The following MACROD2 variants were observed in gnomAD, a reference collection of about 807,000 sequenced individuals.
The protein encoded by MACROD2 is ADP-ribose glycohydrolase MACROD2.
A neutral mutation model predicts 70.4 loss-of-function variants in MACROD2; 36 were observed. The observed-to-expected ratio is 0.51, with a 90% CI of 0.39 to 0.68. The LOEUF is 0.68. Among genes scored for constraint, MACROD2 ranks in the 30% least tolerant of loss-of-function variants. MACROD2 has a pLI of 0.00. For missense variants in MACROD2, 496 were observed against 538.4 expected, an observed-to-expected ratio of 0.92 and a Z score of 0.78; for synonymous variants, 172 against 178.8, an observed-to-expected ratio of 0.96 and a Z score of 0.30.
At chr20:15,125,605 G>A (rs1161357456) in intron 5 of MACROD2, among the ~76,000 whole-genome samples, 1 of 151,958 alleles carries the variant, frequency 6.6e-6, no homozygotes, top group East Asian at 1.9e-4. Flanking sequence ...TACCTTGAAT[G>A]GATCATTTTT....
intron 5 of MACROD2, among the ~76,000 whole-genome samples, chr20:15,083,680 C>T (rs1461194244): frequency 1.3e-5 from 2 of 151,878 alleles, no homozygotes; most frequent in African/African-American, 4.8e-5. Flanking sequence ...AAGCATGTAG[C>T]ACAATGAAAC....
chr20:14,483,862 C>T (rs1403343053), intron 3 of MACROD2, among the ~76,000 whole-genome samples: 1 of 152,142 alleles, frequency 6.6e-6, no homozygotes, highest in Non-Finnish European at 1.5e-5. Flanking sequence ...TTGTGTCTAA[C>T]AAACATGAAA....
At chr20:15,736,960 A>G (rs1218756698) in intron 8 of MACROD2, among the ~76,000 whole-genome samples, 1 of 152,238 alleles carries the variant, frequency 6.6e-6, no homozygotes, top group African/African-American at 2.4e-5. Flanking sequence ...TTTACAATGC[A>G]GAGTGAATAA....
intron 3 of MACROD2, among the ~76,000 whole-genome samples, chr20:14,378,101 A>G (rs2083389313): frequency 6.6e-6 from 1 of 152,220 alleles, no homozygotes; most frequent in Non-Finnish European, 1.5e-5. Context: ...ATTGAAAGAC[A>G]AATTGCTAGA....
At chr20:14,032,123 C>A (rs1265899946) in intron 2 of MACROD2, among the ~76,000 whole-genome samples, 1 of 151,744 alleles carries the variant, frequency 6.6e-6, no homozygotes, top group Non-Finnish European at 1.5e-5. Flanking sequence ...GTTTTTTTCT[C>A]ACTTAAAACT....
intron 8 of MACROD2, among the ~76,000 whole-genome samples, chr20:15,545,671 C>T (rs1189304257): frequency 6.6e-6 from 1 of 152,144 alleles, no homozygotes; most frequent in Non-Finnish European, 1.5e-5. Context: ...GTGCTTTGGA[C>T]TCGAGGATTA....
intron 2 of MACROD2, among the ~76,000 whole-genome samples, chr20:14,055,507 C>CAA (rs4052606): frequency 0.13 from 13,363 of 102,976 alleles, 772 homozygotes; most frequent in Middle Eastern, 0.16. Flanking sequence ...GTTTCAGGAG[C>CAA]AAAAAAAAAA....
chr20:15,265,991 C>T (rs1318617458), intron 6 of MACROD2, among the ~76,000 whole-genome samples: 1 of 152,182 alleles, frequency 6.6e-6, no homozygotes, highest in Non-Finnish European at 1.5e-5. Flanking sequence ...TGTTAGAAAA[C>T]ACAATGAAGG....
At chr20:14,160,918 G>A (rs1270493171) in intron 3 of MACROD2, among the ~76,000 whole-genome samples, 1 of 151,890 alleles carries the variant, frequency 6.6e-6, no homozygotes, top group Non-Finnish European at 1.5e-5. Flanking sequence ...TTGGGTTTGG[G>A]CTTCTGGTAT....
chr20:14,523,752 T>C (rs1045848834), intron 4 of MACROD2, among the ~76,000 whole-genome samples: 2 of 152,238 alleles, frequency 1.3e-5, no homozygotes, highest in Admixed American at 6.5e-5. Context: ...TACTAGCTTA[T>C]GTTTTCTGGG....
At chr20:14,999,716 T>C (rs1352906706) in intron 5 of MACROD2, among the ~76,000 whole-genome samples, 2 of 152,234 alleles carry the variant, frequency 1.3e-5, no homozygotes, top group Admixed American at 1.3e-4. Flanking sequence ...GTAGAGTTTT[T>C]ATTAGTTTTC....
intron 7 of MACROD2, among the ~76,000 whole-genome samples, chr20:15,469,706 A>G (rs2046940130): frequency 6.6e-6 from 1 of 152,210 alleles, no homozygotes; most frequent in African/African-American, 2.4e-5. Context: ...AGAAGACAAC[A>G]GGATACATTC....
intron 3 of MACROD2, among the ~76,000 whole-genome samples, chr20:14,176,398 T>A (rs2148727721): frequency 6.6e-6 from 1 of 152,332 alleles, no homozygotes; most frequent in Middle Eastern, 3.4e-3. Context: ...TGACCTCTCA[T>A]GATAACTTCT....
chr20:16,001,521 T>C (rs1190439929), intron 15 of MACROD2, among the ~76,000 whole-genome samples: 1 of 152,242 alleles, frequency 6.6e-6, no homozygotes, highest in African/African-American at 2.4e-5. Flanking sequence ...TCCCATTGTT[T>C]GAATTTACAT....
At chr20:14,430,127 T>C (rs1007572387) in intron 3 of MACROD2, among the ~76,000 whole-genome samples, 2 of 152,134 alleles carry the variant, frequency 1.3e-5, no homozygotes, top group African/African-American at 4.8e-5. Flanking sequence ...ATAGCATCAG[T>C]GAGTGGTTCA....
intron 8 of MACROD2, among the ~76,000 whole-genome samples, chr20:15,649,468 A>G (rs2049611526): frequency 6.6e-6 from 1 of 152,074 alleles, no homozygotes; most frequent in Non-Finnish European, 1.5e-5. Flanking sequence ...GAGCTCACTC[A>G]TTTTATTCCT....
At chr20:15,472,402 C>A (rs1267499705) in intron 7 of MACROD2, among the ~76,000 whole-genome samples, 2 of 152,118 alleles carry the variant, frequency 1.3e-5, no homozygotes, top group Non-Finnish European at 2.9e-5. Context: ...GAAGACTATA[C>A]CCTTCTCTAA....
chr20:15,138,171 A>T (rs574143692), intron 5 of MACROD2, among the ~76,000 whole-genome samples: 1 of 152,274 alleles, frequency 6.6e-6, no homozygotes, highest in South Asian at 2.1e-4. Flanking sequence ...TTCACTATTA[A>T]TACACAGAAG....
chr20:14,659,620 T>G (rs1986132395), intron 4 of MACROD2, among the ~76,000 whole-genome samples: 1 of 152,118 alleles, frequency 6.6e-6, no homozygotes, highest in African/African-American at 2.4e-5. Context: ...CAGGTTACAA[T>G]GCTAAAAGTT....
Sources: gnomAD v4.1 joint callset for allele counts (sites outside exome capture counted in the v4.1 genomes callset) on GRCh38, gnomAD v4.1.1 for gene constraint, MANE v1.5 for transcripts, NCBI Gene and HGNC (gene_info 2026-07-23, HGNC 2026-07-21) for gene names.